The following RAD9B variants were observed in gnomAD, a reference collection of about 807,000 sequenced individuals.
The protein encoded by RAD9B is RAD9 checkpoint clamp component B.
RAD9B carries 41 observed loss-of-function variants against 48.3 expected under a neutral mutation model. That is an observed-to-expected ratio of 0.85 (90% CI 0.66 to 1.10). The LOEUF (loss-of-function observed/expected upper bound fraction) is 1.10, where lower values mean the gene tolerates loss of function less well. RAD9B is among the 50% of genes least tolerant of loss of function. The pLI is 0.00. For missense variants in RAD9B, 444 were observed against 485.1 expected (o/e 0.92, Z 0.80); for synonymous variants, 160 against 157.9 (o/e 1.01, Z -0.10).
At chr12:110,527,677 G>A (rs1341209752) in intron 10 of RAD9B, among the ~76,000 whole-genome samples, 1 of 152,210 alleles carries the variant, frequency 6.6e-6, no homozygotes, top group Non-Finnish European at 1.5e-5. Flanking sequence ...TTAGAGACTA[G>A]AGCGGGTATC....
rs774503085 is a variant in RAD9B, at chr12:110,503,807, A to G, written c.48A>G (p.Val16=). 6.2e-7 allele frequency: 1 copy of G among 1,606,322 alleles called. No individual in the cohort carries two copies. Among genetic ancestry groups the G allele is most frequent in the Admixed American group, 1.7e-5 (1 of 59,136 alleles). Residue 16 remains valine, a splice_region_variant and synonymous_variant, in exon 2 of 11, where the codon GTA becomes GTG. Coordinates refer to ENST00000409300, the MANE Select transcript of RAD9B (RefSeq NM_001286535.2). ...KCVMSGSQVK[V]FGKAVQALSR... ...CATCACCTTTCTTTTTCTCCATAGT[A>G]TTTGGGAAAGCAGTTCAAGCTCTAT...
intron 9 of RAD9B, among the ~76,000 whole-genome samples, chr12:110,521,482 A>C (rs2063783426): frequency 6.6e-6 from 1 of 151,810 alleles, no homozygotes; most frequent in Admixed American, 6.6e-5. Context: ...CAAGATTAGG[A>C]TCATAGAGCA....
chr12:110,529,293 G>A (rs1244617756), intron 10 of RAD9B, among the ~76,000 whole-genome samples: 4 of 151,698 alleles, frequency 2.6e-5, no homozygotes, highest in East Asian at 2.0e-4. Flanking sequence ...ACAGGTGCCC[G>A]CCACCATGCC....
At chr12:110,513,401 C>T (rs1169236632) in intron 5 of RAD9B, among the ~76,000 whole-genome samples, 1 of 151,984 alleles carries the variant, frequency 6.6e-6, no homozygotes, top group Non-Finnish European at 1.5e-5. Context: ...CAAGAAAGTT[C>T]TAAAAACACC....
intron 6 of RAD9B, among the ~76,000 whole-genome samples, chr12:110,515,642 G>A (rs1417916585): frequency 1.3e-5 from 2 of 152,170 alleles, no homozygotes; most frequent in Admixed American, 6.6e-5. Flanking sequence ...TTGCCTGGGC[G>A]ACAGAGACTC....
intron 10 of RAD9B, among the ~76,000 whole-genome samples, chr12:110,524,541 G>A (rs1307795299): frequency 2.6e-5 from 4 of 152,094 alleles, no homozygotes; most frequent in Admixed American, 6.5e-5. Flanking sequence ...TAGCCTGGGC[G>A]ACAGAGCAAG....
chr12:110,515,859 T>C (rs564108548), intron 6 of RAD9B, among the ~76,000 whole-genome samples: 102 of 152,304 alleles, frequency 6.7e-4, no homozygotes, highest in Non-Finnish European at 1.2e-3. Context: ...CTGTTCTAAA[T>C]AGTTTGCATT....
intron 4 of RAD9B, among the ~76,000 whole-genome samples, chr12:110,512,415 C>G (rs2063487901): frequency 6.6e-6 from 1 of 152,158 alleles, no homozygotes; most frequent in African/African-American, 2.4e-5. Context: ...TCCCAAAGTG[C>G]TGGGATTACA....
At chr12:110,526,219 TA>T (rs112370464) in intron 10 of RAD9B, among the ~76,000 whole-genome samples, 4,622 of 146,434 alleles carry the variant, frequency 0.032, 215 homozygotes, top group African/African-American at 0.1. Flanking sequence ...TGTATATTAG[TA>T]AAAAAAAAAA....
In RAD9B at chr12:110,530,833, T is replaced by C; in HGVS notation, c.*180T>C. ...TATCTAGAAATAGCTGTTTGTCAAG[T>C]GTATGTAACTTGCTTTAAATCCATT... On this transcript the variant is annotated 3_prime_UTR_variant, in exon 11 of 11. Transcript: ENST00000409300. The C allele has an allele frequency of 7.2e-7, 1 of 1,380,690 alleles. No homozygotes were observed. Among genetic ancestry groups the C allele is most frequent in the Non-Finnish European group, 9.4e-7 (1 of 1,066,898 alleles). The allele number at this position is 1,380,690 out of a possible 1,614,324, so 85.5% of individuals were successfully genotyped here.
At chr12:110,509,832 G>A (rs1168813166) in intron 4 of RAD9B, among the ~76,000 whole-genome samples, 1 of 152,178 alleles carries the variant, frequency 6.6e-6, no homozygotes, top group Non-Finnish European at 1.5e-5. Flanking sequence ...GGTAGCAGTA[G>A]TTGCTTCTGT....
chr12:110,516,419 CTTA>C (rs1331397911), intron 6 of RAD9B, among the ~76,000 whole-genome samples: 1 of 152,044 alleles, frequency 6.6e-6, no homozygotes, highest in African/African-American at 2.4e-5. Flanking sequence ...GTTGTTTAAT[CTTA>C]TTATTAAACT....
chr12:110,510,603 G>A (rs961982652), intron 4 of RAD9B, among the ~76,000 whole-genome samples: 3 of 152,140 alleles, frequency 2.0e-5, no homozygotes, highest in African/African-American at 7.2e-5. Context: ...TCCCAGTTGA[G>A]GCCCCAGACA....
intron 10 of RAD9B, among the ~76,000 whole-genome samples, chr12:110,524,266 T>TA (rs1172438556): frequency 6.6e-6 from 1 of 152,198 alleles, no homozygotes. Context: ...CAGTGCTTGA[T>TA]AAAATTTAGT....
At chr12:110,503,972 G>A in intron 2 of RAD9B, 96 bp downstream of exon 2, 3 of 671,694 alleles carry the variant, frequency 4.5e-6, no homozygotes, top group Middle Eastern at 2.5e-4. Context: ...TCCAGAAATT[G>A]TAATTATCCC....
chr12:110,506,352 C>A (rs981082446), intron 3 of RAD9B, among the ~76,000 whole-genome samples: 16 of 151,848 alleles, frequency 1.1e-4, no homozygotes, highest in African/African-American at 3.9e-4. Context: ...CTACGCCTGG[C>A]TAATTTTTTC....
intron 6 of RAD9B, among the ~76,000 whole-genome samples, chr12:110,517,704 CAG>C (rs565556101): frequency 6.7e-6 from 1 of 149,962 alleles, no homozygotes; most frequent in African/African-American, 2.5e-5. Flanking sequence ...GGGTATGTAT[CAG>C]AGAGGTTTAA....
At chr12:110,524,619 T>C (rs181619483) in intron 10 of RAD9B, among the ~76,000 whole-genome samples, 60 of 151,666 alleles carry the variant, frequency 4.0e-4, no homozygotes, top group Admixed American at 1.8e-3. Flanking sequence ...AACTCTTAGA[T>C]TGGCCGGCGT....
In RAD9B at chr12:110,519,802, C is replaced by T. The variant is rs780024774; in HGVS notation, c.776C>T (p.Ala259Val). The change falls in exon 9 of 11, where the codon GCT becomes GTT. Residue 259 changes from alanine (A) to valine (V), a missense_variant. By Grantham distance (64) the Ala-to-Val change is moderately conservative (BLOSUM62 0). Transcript: ENST00000409300. ...IYFDFPGKPL[A>V]LSIDDMLVEA... ...TGACTTGGCTTTTTTAGACCTCTGG[C>T]TTTGAGTATTGATGATATGTTAGTG... 3.7e-6 allele frequency: 6 copies of T among 1,608,076 alleles called. No individual in the cohort carries two copies. The highest frequency in any genetic ancestry group is 1.7e-5 in the Admixed American group (1 of 58,560).
Sources: allele counts gnomAD v4.1 joint callset (sites outside exome capture counted in the v4.1 genomes callset), GRCh38; gene constraint gnomAD v4.1.1; transcripts MANE v1.5; gene names NCBI Gene and HGNC (gene_info 2026-07-23, HGNC 2026-07-21).